The following SLC37A2 variants were observed in gnomAD, a reference collection of about 807,000 sequenced individuals.
The protein encoded by SLC37A2 is glucose-6-phosphate exchanger SLC37A2.
In SLC37A2, 59 loss-of-function variants were observed where a neutral mutation model predicts 70.7. The observed-to-expected ratio is 0.83, with a 90% CI of 0.68 to 1.04. SLC37A2 has a LOEUF of 1.04. Among genes scored for constraint, SLC37A2 ranks in the 50% least tolerant of loss-of-function variants. SLC37A2 has a pLI of 0.00. For missense variants in SLC37A2, 580 were observed against 658.1 expected (o/e 0.88, Z 1.30); for synonymous variants, 257 against 262.1 (o/e 0.98, Z 0.19).
chr11:125,079,330 C>T, intron 5 of SLC37A2, 83 bp downstream of exon 5: 1 of 1,562,926 alleles, frequency 6.4e-7, no homozygotes, highest in Admixed American at 1.7e-5. Context: ...CGGGTGGGAG[C>T]CTGTGTTCCT....
chr11:125,079,359 C>G (rs1011173720), intron 5 of SLC37A2, 112 bp downstream of exon 5: 10 of 1,329,078 alleles, frequency 7.5e-6, no homozygotes, highest in African/African-American at 1.5e-5. Flanking sequence ...GTCCAGTGCT[C>G]TCTATTACAC....
chr11:125,077,991 G>A (rs1949108449), intron 4 of SLC37A2, among the ~76,000 whole-genome samples: 2 of 152,290 alleles, frequency 1.3e-5, no homozygotes, highest in African/African-American at 4.8e-5. Context: ...CTAAAACTGT[G>A]GCGGCTCCAT....
chr11:125,067,677 G>A (rs1948995252), intron 1 of SLC37A2, among the ~76,000 whole-genome samples: 1 of 152,110 alleles, frequency 6.6e-6, no homozygotes, highest in Non-Finnish European at 1.5e-5. Context: ...AACTTATCAA[G>A]ATTTTGCCAA....
chr11:125,070,960 G>T (rs931329590), intron 1 of SLC37A2, among the ~76,000 whole-genome samples: 3 of 152,226 alleles, frequency 2.0e-5, no homozygotes, highest in Non-Finnish European at 4.4e-5. Context: ...GAAATAGTCT[G>T]TATGGTTGGC....
intron 9 of SLC37A2, 53 bp downstream of exon 9, chr11:125,081,959 T>C: frequency 1.3e-6 from 2 of 1,550,126 alleles, no homozygotes; most frequent in South Asian, 2.4e-5. Flanking sequence ...ATTTTTTCTG[T>C]TGGTGATGAG....
intron 17 of SLC37A2, chr11:125,087,355 T>G (rs1276972314): frequency 6.6e-6 from 1 of 152,358 alleles, no homozygotes; most frequent in East Asian, 1.9e-4. Flanking sequence ...GGCCTGTGTG[T>G]GAGGTGTGCA....
chr11:125,090,142 G>T lies in SLC37A2; in HGVS notation c.*2008G>T, dbSNP rs1949268890. 1 of 151,832 alleles carries T rather than the reference G, an allele frequency of 6.6e-6. No homozygotes were observed. Among genetic ancestry groups the T allele is most frequent in the Middle Eastern group, 3.1e-3 (1 of 318 alleles). The allele number at this position is 151,832 out of a possible 1,614,324, so 9.4% of individuals were successfully genotyped here. On this transcript the variant is annotated 3_prime_UTR_variant, in exon 18 of 18. Transcript: ENST00000403796. ...TCAGGGATTGTAAATACACCCATCGGCACTGTGTATCTAGCTCAAGGTTTA... is the reference window on the plus strand; with the variant it reads ...TCAGGGATTGTAAATACACCCATCGTCACTGTGTATCTAGCTCAAGGTTTA...
chr11:125,071,266 C>T (rs1949026711), intron 1 of SLC37A2, among the ~76,000 whole-genome samples: 1 of 152,158 alleles, frequency 6.6e-6, no homozygotes. Flanking sequence ...GCTCTGCCAT[C>T]ATCAACACGC....
At chr11:125,064,942 TTTATG>T (rs1313138766) in intron 1 of SLC37A2, among the ~76,000 whole-genome samples, 1 of 152,224 alleles carries the variant, frequency 6.6e-6, no homozygotes, top group East Asian at 1.9e-4. Context: ...AATGGCAAAA[TTTATG>T]TTATGTATAT....
intron 1 of SLC37A2, among the ~76,000 whole-genome samples, chr11:125,066,868 C>T (rs1007295567): frequency 2.0e-5 from 3 of 152,064 alleles, no homozygotes; most frequent in Non-Finnish European, 2.9e-5. Flanking sequence ...TTTAATAAAA[C>T]TGCAAAGGAA....
chr11:125,072,830 C>T (rs1395226548), intron 1 of SLC37A2, among the ~76,000 whole-genome samples: 1 of 152,208 alleles, frequency 6.6e-6, no homozygotes, highest in Non-Finnish European at 1.5e-5. Context: ...GGATAGAGCA[C>T]CAGACTCAGA....
chr11:125,082,079 C>T (rs1368141871), intron 9 of SLC37A2, among the ~76,000 whole-genome samples, 165 bp from the exon 10 acceptor site: 2 of 152,124 alleles, frequency 1.3e-5, no homozygotes, highest in South Asian at 2.1e-4. Context: ...TTGAAACAAC[C>T]TTGCACAGTG....
At position 125,084,282 on chromosome 11, in the gene SLC37A2, C is replaced by T; in HGVS notation, c.1088C>T (p.Thr363Ile). The change falls in exon 12 of 18, where the codon ACC (threonine) becomes ATC (isoleucine). Residue 363 changes from threonine (T) to isoleucine (I), a missense_variant. Thr to Ile is a moderately conservative substitution (Grantham distance 89). Coordinates refer to ENST00000403796, the MANE Select transcript of SLC37A2 (RefSeq NM_001145290.2). Reference sequence around the variant, plus strand: ...TCTGACTACACCAATGGCAGGGCCACCACTTGCTGTGTCATGCTCATCTTG... The same window carrying T: ...TCTGACTACACCAATGGCAGGGCCATCACTTGCTGTGTCATGCTCATCTTG... Reference protein sequence around the residue: ...LVSDYTNGRATTCCVMLILAA... With the variant: ...LVSDYTNGRAITCCVMLILAA... 6.2e-7 allele frequency: 1 copy of T among 1,614,248 alleles called. No homozygotes were observed. The highest frequency in any genetic ancestry group is 8.5e-7 in the Non-Finnish European group (1 of 1,180,040).
chr11:125,088,993 C>T lies in SLC37A2; in HGVS notation c.*859C>T, dbSNP rs897187549. On this transcript the variant is annotated 3_prime_UTR_variant, in exon 18 of 18. Transcript: ENST00000403796. ...GAGTAGACAGTGGACACAAGAAGGA[C>T]TTACGCCCTGAGCACAGGTGCCAAT... The T allele has an allele frequency of 6.6e-6, 1 of 152,220 alleles. No individual in the cohort carries two copies. The highest frequency in any genetic ancestry group is 1.5e-5 in the Non-Finnish European group (1 of 68,074). 9.4% of individuals were successfully genotyped at this position (152,220 alleles called of 1,614,324 possible).
chr11:125,086,385 T>G (rs1327372727), intron 17 of SLC37A2: 1 of 816,452 alleles, frequency 1.2e-6, no homozygotes, highest in Non-Finnish European at 2.1e-6. Flanking sequence ...TTGTAAAGAC[T>G]TTCAACCTCA....
At position 125,080,217 on chromosome 11, in the gene SLC37A2, C is replaced by A. The variant is rs1441148741; in HGVS notation, c.528-397C>A. ...CATCTGCTCACTGGATGCCATAGCA[C>A]ACCCTGAGCTGTGACCATGAAAAAT... On this transcript the variant is annotated intron_variant, in intron 6 of 17. Coordinates refer to ENST00000403796, the MANE Select transcript of SLC37A2 (RefSeq NM_001145290.2). The surrounding 1 kb of genome is among the most constrained non-coding windows in gnomAD (Gnocchi z 4.3). 6.6e-6 allele frequency among the ~76,000 whole-genome samples: 1 copy of A among 152,188 alleles called. No homozygotes were observed. The highest frequency in any genetic ancestry group is 1.5e-5 in the Non-Finnish European group (1 of 68,018).
At position 125,080,783 on chromosome 11, in the gene SLC37A2, G is replaced by T. The variant is rs887047183; in HGVS notation, c.694+3G>T. On this transcript the variant is annotated splice_donor_region_variant and intron_variant, in intron 7 of 17. Coordinates refer to ENST00000403796, the MANE Select transcript of SLC37A2 (RefSeq NM_001145290.2). This position sits in a 1 kb window ranked among gnomAD's most constrained non-coding sequence, Gnocchi z 4.3. ...CACCTTCCTCTTCCTCATCGAACGTGAGTGGGCCCCTCACTCCCCACAAGT... is the reference window on the plus strand; with the variant it reads ...CACCTTCCTCTTCCTCATCGAACGTTAGTGGGCCCCTCACTCCCCACAAGT... The T allele has an allele frequency of 4.1e-6, 6 of 1,464,060 alleles. No individual in the cohort carries two copies. The African/African-American group carries it at 7.2e-5, about 18-fold the overall frequency. 90.7% of individuals were successfully genotyped at this position (1,464,060 alleles called of 1,614,324 possible).
At position 125,089,345 on chromosome 11, in the gene SLC37A2, A is replaced by AGCCCTCGCTCGCCTCACG. The variant is rs1949258577; in HGVS notation, c.*1223_*1224insCTCACGGCCCTCGCTCGC. ...GTGACAGCGTGCTGGCAGTCCTCAC[A>AGCCCTCGCTCGCCTCACG]GCCCTCGCTCGCTCTCGGCGCCTCC... is the stretch of plus-strand genomic sequence containing the variant. On this transcript the variant is annotated 3_prime_UTR_variant, in exon 18 of 18. Coordinates refer to ENST00000403796, the MANE Select transcript of SLC37A2 (RefSeq NM_001145290.2). 6.4e-6 allele frequency: 1 copy of AGCCCTCGCTCGCCTCACG among 155,114 alleles called. No homozygotes were observed. The allele number at this position is 155,114 out of a possible 1,614,324, so 9.6% of individuals were successfully genotyped here.
chr11:125,078,878 C>T (rs988151518), intron 4 of SLC37A2, among the ~76,000 whole-genome samples: 1 of 151,898 alleles, frequency 6.6e-6, no homozygotes, highest in Non-Finnish European at 1.5e-5. Context: ...GGAAAACGCA[C>T]GACACGAGGG....
Sources: gnomAD v4.1 joint callset for allele counts (sites outside exome capture counted in the v4.1 genomes callset) on GRCh38, gnomAD v4.1.1 for gene constraint, Gnocchi (gnomAD v3.1) non-coding constraint, MANE v1.5 for transcripts, NCBI Gene and HGNC (gene_info 2026-07-23, HGNC 2026-07-21) for gene names.